CDH7: variants seen among roughly 807,000 people sequenced by gnomAD.
The protein encoded by CDH7 is cadherin 7, also known as cadherin-7.
Under a neutral mutation model 71.8 loss-of-function variants are expected in CDH7, and 25 were observed. That is an observed-to-expected ratio of 0.35 (90% CI 0.25 to 0.49). CDH7 has a LOEUF of 0.49. Ranked by LOEUF, CDH7 falls within the 20% of genes least tolerant of loss-of-function variation. The pLI is 0.99. For missense variants in CDH7, 862 were observed against 974.6 expected, an observed-to-expected ratio of 0.88 and a Z score of 1.54; for synonymous variants, 381 against 363.8, an observed-to-expected ratio of 1.05 and a Z score of -0.54.
chr18:65,851,874 T>C (rs888388221), intron 7 of CDH7, among the ~76,000 whole-genome samples: 1 of 152,152 alleles, frequency 6.6e-6, no homozygotes, highest in African/African-American at 2.4e-5. Context: ...TCCCTGGTGG[T>C]GTAGCACAAG....
intron 2 of CDH7, among the ~76,000 whole-genome samples, chr18:65,776,002 T>A (rs1598994849): frequency 6.6e-6 from 1 of 152,132 alleles, no homozygotes; most frequent in African/African-American, 2.4e-5. Flanking sequence ...GAGTTATTTC[T>A]GATGGAAAGA....
intron 2 of CDH7, among the ~76,000 whole-genome samples, chr18:65,781,020 C>T (rs8095715): frequency 0.35 from 51,788 of 149,822 alleles, 9,252 homozygotes; most frequent in Middle Eastern, 0.47. Flanking sequence ...TCACTTGAGT[C>T]GCATATGTTC....
At chr18:65,874,503 C>T (rs958799022) in intron 11 of CDH7, among the ~76,000 whole-genome samples, 2 of 151,926 alleles carry the variant, frequency 1.3e-5, no homozygotes, top group Admixed American at 6.6e-5. Flanking sequence ...GAATAATAGA[C>T]GTTGGAAACT....
In CDH7 at chr18:65,890,045, A is replaced by C. The variant is rs1914464600; in HGVS notation, c.*9151A>C. On this transcript the variant is annotated 3_prime_UTR_variant, in exon 12 of 12. Transcript: ENST00000397968. The stretch of plus-strand genomic sequence containing the variant: ...GTTATCCTCCTGCCTCTGCCTCCTT[A>C]AATACTGGAATTACAGGTGTGAGTC... The C allele has an allele frequency of 6.6e-6, 1 of 151,868 alleles. No individual in the cohort carries two copies. The highest frequency in any genetic ancestry group is 1.5e-5 in the Non-Finnish European group (1 of 67,978). The allele number at this position is 151,868 out of a possible 1,614,324, so 9.4% of individuals were successfully genotyped here.
chr18:65,861,138 T>C (rs1913548659), intron 10 of CDH7, among the ~76,000 whole-genome samples: 1 of 152,168 alleles, frequency 6.6e-6, no homozygotes, highest in South Asian at 2.1e-4. Flanking sequence ...TTATAGGACA[T>C]CCACATTGCC....
chr18:65,850,024 TGTG>T (rs58891201), intron 7 of CDH7, among the ~76,000 whole-genome samples: 12,033 of 151,056 alleles, frequency 0.08, 1,591 homozygotes, highest in African/African-American at 0.28. Context: ...ATTAGCCAGG[TGTG>T]GTGGTGCATG....
chr18:65,805,851 AAT>A (rs1448545283), intron 2 of CDH7, among the ~76,000 whole-genome samples: 8 of 152,318 alleles, frequency 5.3e-5, no homozygotes, highest in Admixed American at 4.6e-4. Context: ...GATATAATTT[AAT>A]ATATGTTTTA....
In CDH7 at chr18:65,880,619, C is replaced by G. The variant is rs1402570896; in HGVS notation, c.2083C>G (p.Arg695Gly). 2 of 1,613,736 alleles carry G rather than the reference C, an allele frequency of 1.2e-6. No homozygotes were observed. Among genetic ancestry groups the G allele is most frequent in the African/African-American group, 1.3e-5 (1 of 74,880 alleles). ...DVTPEIQFLSRPAFKSIPDNV... is the reference protein window; with the variant it reads ...DVTPEIQFLSGPAFKSIPDNV... ...GACTCCAGAAATTCAATTCCTGAGT[C>G]GACCAGCTTTTAAAAGCATCCCAGA... The change falls in exon 12 of 12, where the codon CGA (arginine) becomes GGA (glycine). Residue 695 changes from arginine to glycine, a missense_variant. By Grantham distance (125) the Arg-to-Gly change is moderately radical. Transcript: ENST00000397968.
chr18:65,796,754 T>C (rs1331719540), intron 2 of CDH7, among the ~76,000 whole-genome samples: 1 of 152,164 alleles, frequency 6.6e-6, no homozygotes, highest in African/African-American at 2.4e-5. Context: ...GAAGCAGTTT[T>C]AATATCATGC....
At chr18:65,796,307 A>T (rs1003035052) in intron 2 of CDH7, among the ~76,000 whole-genome samples, 1 of 151,612 alleles carries the variant, frequency 6.6e-6, no homozygotes, top group African/African-American at 2.4e-5. Flanking sequence ...TTTTGAAATT[A>T]TAGAATAAAT....
intron 7 of CDH7, among the ~76,000 whole-genome samples, chr18:65,848,203 G>A (rs187651622): frequency 5.3e-5 from 8 of 152,186 alleles, no homozygotes; most frequent in African/African-American, 1.4e-4. Context: ...AAAGATGTAA[G>A]AACAGCCTAG....
At chr18:65,783,636 TTGG>T (rs1410426450) in intron 2 of CDH7, among the ~76,000 whole-genome samples, 1 of 152,106 alleles carries the variant, frequency 6.6e-6, no homozygotes, top group Non-Finnish European at 1.5e-5. Context: ...TGAGAGGACG[TTGG>T]TGGGCTGAAG....
chr18:65,846,202 T>G (rs1406779715), intron 7 of CDH7, among the ~76,000 whole-genome samples: 4 of 152,068 alleles, frequency 2.6e-5, no homozygotes, highest in Non-Finnish European at 5.9e-5. Context: ...TAGAGAGAGA[T>G]GAAGTGAGCT....
intron 2 of CDH7, among the ~76,000 whole-genome samples, chr18:65,801,552 G>C (rs1012358319): frequency 6.6e-6 from 1 of 152,168 alleles, no homozygotes; most frequent in East Asian, 1.9e-4. Context: ...AGAGTTAACA[G>C]TCAGAGCCTC....
Position 65,854,745 on chromosome 18 carries a change from A to G in CDH7, c.1236-3071A>G, listed in dbSNP as rs535178748. Among the ~76,000 whole-genome samples the G allele has an allele frequency of 7.9e-5, 12 of 152,204 alleles. No homozygotes were observed. The South Asian group carries it at 2.5e-3, about 32-fold the overall frequency. On this transcript the variant is annotated intron_variant, in intron 7 of 11. Coordinates refer to ENST00000397968, the MANE Select transcript of CDH7 (RefSeq NM_004361.5). ...GACAAAGAGAGCAATTCAGGTTTTA[A>G]TATTGGCTTAATTGATGCATGAATG... is the stretch of plus-strand genomic sequence containing the variant.
intron 6 of CDH7, among the ~76,000 whole-genome samples, chr18:65,842,790 T>C (rs1424535183): frequency 6.6e-6 from 1 of 152,038 alleles, no homozygotes; most frequent in East Asian, 1.9e-4. Context: ...TCATAATGCC[T>C]TATTCTTATA....
At chr18:65,869,545 A>ATTTTTTTTTTTTTT (rs10696115) in intron 11 of CDH7, among the ~76,000 whole-genome samples, 16 of 91,378 alleles carry the variant, frequency 1.8e-4, no homozygotes, top group African/African-American at 3.1e-4. Context: ...AAGTGGGTCA[A>ATTTTTTTTTTTTTT]TTTTTTTTTT....
chr18:65,870,215 T>G (rs961869206), intron 11 of CDH7, among the ~76,000 whole-genome samples: 29 of 152,332 alleles, frequency 1.9e-4, no homozygotes, highest in Admixed American at 1.9e-3. Flanking sequence ...ATCATACCAA[T>G]TATGAATCTT....
At chr18:65,791,169 G>T (rs2143857789) in intron 2 of CDH7, among the ~76,000 whole-genome samples, 1 of 152,172 alleles carries the variant, frequency 6.6e-6, no homozygotes, top group South Asian at 2.1e-4. Context: ...TTTAGTCTTT[G>T]GTTAGCATCT....
Sources: gnomAD v4.1 joint callset for allele counts (sites outside exome capture counted in the v4.1 genomes callset) on GRCh38, gnomAD v4.1.1 for gene constraint, MANE v1.5 for transcripts, NCBI Gene and HGNC (gene_info 2026-07-23, HGNC 2026-07-21) for gene names.